Variants in ATP10B observed in about 807,000 individuals in gnomAD.
ATP10B encodes ATPase phospholipid transporting 10B (putative).
Under a neutral mutation model 141.2 loss-of-function variants are expected in ATP10B, and 122 were observed. The ratio of observed to expected loss-of-function variants is 0.86; its 90% CI spans 0.75 to 1.00. The LOEUF is 1.00. ATP10B is among the 50% of genes least tolerant of loss of function. The pLI is 0.00. For synonymous variants in ATP10B, 685 were observed against 692.0 expected, an observed-to-expected ratio of 0.99 and a Z score of 0.16; for missense variants, 1,876 against 1,825.3, an observed-to-expected ratio of 1.03 and a Z score of -0.51.
the ATP10B span, among the ~76,000 whole-genome samples, chr5:160,870,910 C>A: frequency 2.1e-5 from 3 of 144,384 alleles, no homozygotes; most frequent in South Asian, 6.7e-4. Context: ...AAAATGTAAA[C>A]AATAGTAGAG....
At chr5:160,858,419 T>C in the ATP10B span, among the ~76,000 whole-genome samples, 929 of 151,828 alleles carry the variant, frequency 6.1e-3, 16 homozygotes, top group African/African-American at 0.022. Context: ...CTACTTTGTC[T>C]ATCTTTTTTT....
chr5:160,864,513 C>T, the ATP10B span, among the ~76,000 whole-genome samples: 10 of 151,416 alleles, frequency 6.6e-5, no homozygotes, highest in Non-Finnish European at 1.2e-4. Flanking sequence ...TTCCCTAGAA[C>T]AAGACAAGGA....
chr5:160,744,780 C>T (rs1561809831), intron 2 of ATP10B, among the ~76,000 whole-genome samples: 1 of 152,166 alleles, frequency 6.6e-6, no homozygotes, highest in African/African-American at 2.4e-5. Flanking sequence ...AGACAATTTA[C>T]ATATGTTAAG....
intron 7 of ATP10B, among the ~76,000 whole-genome samples, chr5:160,653,549 C>T (rs1223059222): frequency 7.6e-6 from 1 of 131,636 alleles, no homozygotes; most frequent in African/African-American, 2.9e-5. Context: ...TACATACATA[C>T]ATATATACAT....
chr5:160,875,618 G>T, the ATP10B span, among the ~76,000 whole-genome samples: 1 of 78,538 alleles, frequency 1.3e-5, no homozygotes, highest in African/African-American at 3.3e-5. Context: ...AGACCCATCA[G>T]TGTGCTGTAT....
the ATP10B span, among the ~76,000 whole-genome samples, chr5:160,902,038 A>C: frequency 1.3e-5 from 2 of 152,210 alleles, no homozygotes; most frequent in African/African-American, 4.8e-5. Flanking sequence ...GTACCTTCCA[A>C]AATATACCTA....
At chr5:160,802,588 C>A (rs1297666638) in intron 1 of ATP10B, among the ~76,000 whole-genome samples, 15 of 152,176 alleles carry the variant, frequency 9.9e-5, no homozygotes, top group Admixed American at 9.2e-4. Context: ...GGGGAGAAAC[C>A]CTGACTTAGA....
intron 17 of ATP10B, among the ~76,000 whole-genome samples, chr5:160,615,504 G>A (rs958579115): frequency 6.6e-6 from 1 of 151,620 alleles, no homozygotes; most frequent in African/African-American, 2.4e-5. Flanking sequence ...CCTGTCCCTT[G>A]TTGCAGCCCC....
At chr5:160,761,667 G>C (rs1023168460) in intron 2 of ATP10B, among the ~76,000 whole-genome samples, 1 of 152,122 alleles carries the variant, frequency 6.6e-6, no homozygotes, top group Non-Finnish European at 1.5e-5. Flanking sequence ...TAATATGACA[G>C]AACAAGTTTC....
chr5:160,601,447 A>G (rs1431274904), intron 21 of ATP10B, among the ~76,000 whole-genome samples: 2 of 152,182 alleles, frequency 1.3e-5, no homozygotes, highest in African/African-American at 2.4e-5. Context: ...CTAGATAATG[A>G]AAAACTCTTT....
chr5:160,580,608 T>C (rs1755482401), intron 24 of ATP10B, among the ~76,000 whole-genome samples: 3 of 152,232 alleles, frequency 2.0e-5, no homozygotes, highest in Admixed American at 2.0e-4. Context: ...ACAGGGATAT[T>C]GGCCTGAAAT....
At chr5:160,792,117 C>T (rs1771612790) in intron 1 of ATP10B, among the ~76,000 whole-genome samples, 1 of 152,106 alleles carries the variant, frequency 6.6e-6, no homozygotes, top group Admixed American at 6.6e-5. Context: ...AATAAATCCC[C>T]CCCTCCCTAA....
At chr5:160,593,591 A>G (rs1756474231) in intron 22 of ATP10B, among the ~76,000 whole-genome samples, 1 of 152,204 alleles carries the variant, frequency 6.6e-6, no homozygotes, top group Non-Finnish European at 1.5e-5. Flanking sequence ...GAGTTGAGGG[A>G]AGGCTTCAAT....
At chr5:160,788,084 T>A (rs759568005) in intron 1 of ATP10B, among the ~76,000 whole-genome samples, 7 of 152,200 alleles carry the variant, frequency 4.6e-5, no homozygotes, top group Non-Finnish European at 1.0e-4. Flanking sequence ...ACATTCCCCT[T>A]GCCATTATAG....
intron 2 of ATP10B, among the ~76,000 whole-genome samples, chr5:160,730,118 G>A (rs76273990): frequency 0.017 from 2,624 of 152,040 alleles, 72 homozygotes; most frequent in African/African-American, 0.059. Flanking sequence ...TAGCTGTTAG[G>A]CACTATGCAC....
At chr5:160,720,294 A>G (rs1372896268) in intron 2 of ATP10B, among the ~76,000 whole-genome samples, 1 of 152,250 alleles carries the variant, frequency 6.6e-6, no homozygotes, top group African/African-American at 2.4e-5. Context: ...CTTTTGCAAC[A>G]TTTATTAGAA....
upstream of ATP10B, among the ~76,000 whole-genome samples, chr5:160,853,045 A>C (rs938671366): frequency 6.6e-6 from 1 of 152,184 alleles, no homozygotes; most frequent in African/African-American, 2.4e-5. Context: ...TACAGATCTT[A>C]TCAGAATACC....
chr5:160,765,912 T>C (rs1272710189), intron 2 of ATP10B, among the ~76,000 whole-genome samples: 1 of 151,962 alleles, frequency 6.6e-6, no homozygotes, highest in Non-Finnish European at 1.5e-5. Flanking sequence ...ATAGAAAATT[T>C]TCAAGAGAAG....
At chr5:160,834,591 G>T (rs771148415) in intron 1 of ATP10B, among the ~76,000 whole-genome samples, 1 of 152,092 alleles carries the variant, frequency 6.6e-6, no homozygotes, top group Non-Finnish European at 1.5e-5. Context: ...AAACTGAAAC[G>T]TACAGATGGG....
Sources: gnomAD v4.1 joint callset for allele counts (sites outside exome capture counted in the v4.1 genomes callset) on GRCh38, gnomAD v4.1.1 for gene constraint, MANE v1.5 for transcripts, NCBI Gene and HGNC (gene_info 2026-07-23, HGNC 2026-07-21) for gene names.